The following NRXN1 variants were observed in gnomAD, a reference collection of about 807,000 sequenced individuals.
NRXN1 encodes the protein neurexin-1.
Under a neutral mutation model 150.9 loss-of-function variants are expected in NRXN1, and 39 were observed. The ratio of observed to expected loss-of-function variants is 0.26; its 90% CI spans 0.20 to 0.34. NRXN1 has a LOEUF of 0.34. NRXN1 is among the 10% of genes least tolerant of loss of function. The pLI, the probability that NRXN1 is intolerant of heterozygous loss-of-function variation, is 1.00. For synonymous variants in NRXN1, 924 were observed against 757.0 expected (o/e 1.22, Z -3.62); for missense variants, 1,815 against 1,949.9 (o/e 0.93, Z 1.30).
chr2:50,779,789 A>G (rs1704117369), intron 5 of NRXN1, among the ~76,000 whole-genome samples: 1 of 151,378 alleles, frequency 6.6e-6, no homozygotes, highest in South Asian at 2.1e-4. Context: ...AAAATAAAAT[A>G]AAACAAAACA....
chr2:51,029,888 T>C (rs1671203519), intron 1 of NRXN1, among the ~76,000 whole-genome samples: 1 of 152,106 alleles, frequency 6.6e-6, no homozygotes, highest in Non-Finnish European at 1.5e-5. Flanking sequence ...TGCCTAAAAG[T>C]GTAGATCTAA....
chr2:50,447,436 T>G (rs1362806267), intron 17 of NRXN1, among the ~76,000 whole-genome samples: 1 of 131,772 alleles, frequency 7.6e-6, no homozygotes, highest in Admixed American at 8.8e-5. Flanking sequence ...GCTCAGATTG[T>G]GACACTGCTC....
At chr2:50,642,055 A>G (rs1468934075) in intron 5 of NRXN1, among the ~76,000 whole-genome samples, 1 of 152,134 alleles carries the variant, frequency 6.6e-6, no homozygotes, top group Non-Finnish European at 1.5e-5. Context: ...TATATTTTTA[A>G]TTTTGTATTT....
chr2:50,149,929 C>T (rs905543247), intron 18 of NRXN1, among the ~76,000 whole-genome samples: 2 of 151,662 alleles, frequency 1.3e-5, no homozygotes, highest in African/African-American at 4.8e-5. Context: ...TGTATGTAGC[C>T]ATATGCATAT....
intron 17 of NRXN1, among the ~76,000 whole-genome samples, chr2:50,321,567 A>AT (rs987270877): frequency 5.1e-4 from 77 of 151,718 alleles, no homozygotes; most frequent in African/African-American, 1.3e-3. Flanking sequence ...CAAAATGAAC[A>AT]TTTTTTTTTC....
chr2:51,023,327 G>A (rs548737293), intron 2 of NRXN1, among the ~76,000 whole-genome samples: 1 of 152,200 alleles, frequency 6.6e-6, no homozygotes, highest in South Asian at 2.1e-4. Context: ...AAAAATACTT[G>A]ACATGGTCCA....
At chr2:50,397,626 A>T (rs2082132807) in intron 17 of NRXN1, among the ~76,000 whole-genome samples, 1 of 152,010 alleles carries the variant, frequency 6.6e-6, no homozygotes, top group Non-Finnish European at 1.5e-5. Flanking sequence ...TTTAAATCTG[A>T]GTTTTCCAAC....
chr2:50,852,870 AT>A (rs1466734503), intron 5 of NRXN1, among the ~76,000 whole-genome samples: 1 of 152,202 alleles, frequency 6.6e-6, no homozygotes, highest in Non-Finnish European at 1.5e-5. Context: ...TAATGATAAC[AT>A]TTTAGTTGAA....
In NRXN1 at chr2:49,978,942, C is replaced by A. The variant is rs116093813; in HGVS notation, c.4129-35151G>T. ...TTTACCATTCAAAGCAATCAGTGAA[C>A]CTGATATTGACAAATTTCAAGGTGC... is the stretch of plus-strand genomic sequence containing the variant. On this transcript the variant is annotated intron_variant, in intron 21 of 22. Transcript: ENST00000401669. Among the ~76,000 whole-genome samples the A allele has an allele frequency of 9.9e-3, 1,501 of 152,148 alleles. 24 individuals carry two copies. The highest frequency in any genetic ancestry group is 0.034 in the African/African-American group (1,421 of 41,504).
chr2:50,362,962 A>G (rs1038579413), intron 17 of NRXN1, among the ~76,000 whole-genome samples: 1 of 152,208 alleles, frequency 6.6e-6, no homozygotes, highest in Non-Finnish European at 1.5e-5. Context: ...CTTTTCTTTA[A>G]CAAACCTGAT....
chr2:50,554,588 A>G (rs540494024), intron 8 of NRXN1: 1 of 152,348 alleles, frequency 6.6e-6, no homozygotes, highest in South Asian at 2.1e-4. Flanking sequence ...TCCAATGCCA[A>G]TCACATTGTA....
chr2:50,014,364 TTG>T (rs1233888829), intron 21 of NRXN1, among the ~76,000 whole-genome samples: 1 of 152,166 alleles, frequency 6.6e-6, no homozygotes, highest in Non-Finnish European at 1.5e-5. Context: ...ATGTATGTCC[TTG>T]TGTTTAATCC....
At chr2:50,580,130 T>C (rs551789687) in intron 8 of NRXN1, among the ~76,000 whole-genome samples, 30 of 152,220 alleles carry the variant, frequency 2.0e-4, no homozygotes, top group African/African-American at 3.6e-4. Flanking sequence ...AATTATATCA[T>C]GCCTAAATTT....
chr2:50,319,956 T>C (rs955675135), intron 17 of NRXN1, among the ~76,000 whole-genome samples: 22 of 152,014 alleles, frequency 1.4e-4, no homozygotes, highest in African/African-American at 5.1e-4. Flanking sequence ...TGGCAAGACA[T>C]GGCTCCTTTT....
At position 50,390,548 on chromosome 2, in the gene NRXN1, T is replaced by C. The variant is rs535480884; in HGVS notation, c.3364+74894A>G. Reference sequence around the variant, plus strand: ...TGACAGGAGACCTTGGTAAGTGTTATGGTTTGACTGTGTTCCCCAAAGTTC... The same window carrying C: ...TGACAGGAGACCTTGGTAAGTGTTACGGTTTGACTGTGTTCCCCAAAGTTC... On this transcript the variant is annotated intron_variant, in intron 17 of 22. Coordinates refer to ENST00000401669, the MANE Select transcript of NRXN1 (RefSeq NM_001330078.2). Among the ~76,000 whole-genome samples the C allele has an allele frequency of 5.9e-5, 9 of 152,312 alleles. No homozygotes were observed. The South Asian group carries it at 1.4e-3, about 25-fold the overall frequency.
intron 5 of NRXN1, among the ~76,000 whole-genome samples, chr2:50,869,336 G>A (rs933117728): frequency 6.6e-5 from 10 of 151,452 alleles, no homozygotes; most frequent in Admixed American, 1.3e-4. Context: ...ATACCTTCAC[G>A]ATGACAGAAT....
chr2:49,949,483 T>C (rs1449727901), intron 21 of NRXN1, among the ~76,000 whole-genome samples: 5 of 152,070 alleles, frequency 3.3e-5, no homozygotes, highest in South Asian at 4.1e-4. Flanking sequence ...GATAAACAGC[T>C]TTCCTGAAGA....
chr2:51,018,869 G>T (rs1180059222), intron 2 of NRXN1, among the ~76,000 whole-genome samples: 2 of 152,050 alleles, frequency 1.3e-5, no homozygotes, highest in Non-Finnish European at 2.9e-5. Flanking sequence ...GGGCTTTACT[G>T]CTGGTTATGA....
At chr2:50,630,195 G>T (rs1217510299) in intron 5 of NRXN1, among the ~76,000 whole-genome samples, 1 of 151,226 alleles carries the variant, frequency 6.6e-6, no homozygotes, top group Non-Finnish European at 1.5e-5. Context: ...AGATTTTTTT[G>T]ATATAAAAAC....
Sources: allele counts gnomAD v4.1 joint callset (sites outside exome capture counted in the v4.1 genomes callset), GRCh38; gene constraint gnomAD v4.1.1; transcripts MANE v1.5; gene names NCBI Gene and HGNC (gene_info 2026-07-23, HGNC 2026-07-21).